The following SLC44A5 variants were observed in gnomAD, a reference collection of about 807,000 sequenced individuals.
SLC44A5 encodes the protein choline transporter-like protein 5.
A neutral mutation model predicts 101.8 loss-of-function variants in SLC44A5; 57 were observed. The observed-to-expected ratio is 0.56, with a 90% CI of 0.45 to 0.70. The LOEUF is 0.70. SLC44A5 is among the 30% of genes least tolerant of loss of function. SLC44A5 has a pLI of 0.00. For missense variants in SLC44A5, 737 were observed against 853.1 expected (o/e 0.86, Z 1.70); for synonymous variants, 281 against 290.9 (o/e 0.97, Z 0.35).
chr1:75,539,243 C>T (rs1462751909), intron 2 of SLC44A5, among the ~76,000 whole-genome samples: 1 of 152,142 alleles, frequency 6.6e-6, no homozygotes. Flanking sequence ...TTCATTTGTA[C>T]CTTACCTACA....
At chr1:75,286,672 T>C (rs1653077705) in intron 5 of SLC44A5, among the ~76,000 whole-genome samples, 1 of 152,166 alleles carries the variant, frequency 6.6e-6, no homozygotes, top group Admixed American at 6.5e-5. Context: ...GGCTTGGTAG[T>C]GAGAAATTCT....
intron 2 of SLC44A5, among the ~76,000 whole-genome samples, chr1:75,534,056 T>C (rs1024406947): frequency 6.6e-6 from 1 of 152,166 alleles, no homozygotes; most frequent in Non-Finnish European, 1.5e-5. Context: ...GCCAACTGGA[T>C]CTGCAAAAGG....
At chr1:75,514,364 A>G (rs886750724) in intron 2 of SLC44A5, among the ~76,000 whole-genome samples, 2 of 152,214 alleles carry the variant, frequency 1.3e-5, no homozygotes, top group Admixed American at 6.5e-5. Context: ...AGTGACAACA[A>G]TTTGTAAAAA....
At chr1:75,224,589 A>T (rs1009494129) in intron 13 of SLC44A5, among the ~76,000 whole-genome samples, 2 of 151,972 alleles carry the variant, frequency 1.3e-5, no homozygotes, top group Non-Finnish European at 2.9e-5. Flanking sequence ...TAAATTTTAA[A>T]TTTTTTGTTT....
intron 5 of SLC44A5, among the ~76,000 whole-genome samples, chr1:75,276,985 C>T (rs80276082): frequency 0.047 from 7,114 of 152,208 alleles, 232 homozygotes; most frequent in Middle Eastern, 0.12. Context: ...GTCAGGTATC[C>T]GCAGCATCTG....
At chr1:75,563,841 A>C (rs1239330754) in intron 1 of SLC44A5, among the ~76,000 whole-genome samples, 7 of 152,210 alleles carry the variant, frequency 4.6e-5, no homozygotes, top group South Asian at 2.1e-4. Flanking sequence ...AAATCACACA[A>C]AAAGCTTATG....
At chr1:75,285,273 T>C (rs1269054292) in intron 5 of SLC44A5, among the ~76,000 whole-genome samples, 3 of 152,104 alleles carry the variant, frequency 2.0e-5, no homozygotes, top group Non-Finnish European at 2.9e-5. Flanking sequence ...TTTTCTAGTT[T>C]GTGCATATAC....
chr1:75,385,780 CT>C (rs1166173578), intron 3 of SLC44A5, among the ~76,000 whole-genome samples: 1 of 152,036 alleles, frequency 6.6e-6, no homozygotes, highest in Admixed American at 6.6e-5. Flanking sequence ...GACCAATATC[CT>C]TGATGAACAT....
rs533548236 is a variant in SLC44A5 at position 75,572,283 on chromosome 1, T to C, written c.-69-30767A>G. Among the ~76,000 whole-genome samples the C allele has an allele frequency of 4.6e-5, 7 of 152,290 alleles. No homozygotes were observed. The South Asian group carries it at 1.5e-3, about 32-fold the overall frequency. On this transcript the variant is annotated intron_variant, in intron 1 of 23. Transcript: ENST00000370859. The stretch of plus-strand genomic sequence containing the variant: ...CAGACTAGACCCAGTGGATATAGCA[T>C]TCCAGGAGGCAGGTCTTCAGAGGAA...
At chr1:75,291,122 C>G (rs1653507412) in intron 5 of SLC44A5, among the ~76,000 whole-genome samples, 1 of 152,080 alleles carries the variant, frequency 6.6e-6, no homozygotes. Flanking sequence ...TTGCATTTGA[C>G]TTTTTGCTGA....
intron 2 of SLC44A5, among the ~76,000 whole-genome samples, chr1:75,462,675 T>C (rs899322750): frequency 3.9e-5 from 6 of 152,038 alleles, no homozygotes; most frequent in South Asian, 2.1e-4. Context: ...AGAAAAAATT[T>C]AACAAAGAGA....
At chr1:75,364,730 T>C (rs1336729334) in intron 3 of SLC44A5, among the ~76,000 whole-genome samples, 1 of 152,118 alleles carries the variant, frequency 6.6e-6, no homozygotes, top group Non-Finnish European at 1.5e-5. Context: ...TTTAGTTCTC[T>C]TGATGGTTTC....
intron 2 of SLC44A5, among the ~76,000 whole-genome samples, chr1:75,518,673 TTCTA>T (rs1669963056): frequency 6.6e-6 from 1 of 152,234 alleles, no homozygotes; most frequent in South Asian, 2.1e-4. Context: ...TCTTTGAACA[TTCTA>T]TCTGTTAAAA....
intron 4 of SLC44A5, among the ~76,000 whole-genome samples, chr1:75,321,057 C>T (rs1656104923): frequency 6.6e-6 from 1 of 151,982 alleles, no homozygotes; most frequent in Non-Finnish European, 1.5e-5. Flanking sequence ...ACTTTAGTAT[C>T]ATAATATTAA....
rs549506242 is a variant in SLC44A5, at chr1:75,349,950, T to C, written c.53-10320A>G. Among the ~76,000 whole-genome samples the C allele has an allele frequency of 7.2e-5, 11 of 152,098 alleles. No individual in the cohort carries two copies. The South Asian group carries it at 2.3e-3, about 32-fold the overall frequency. On this transcript the variant is annotated intron_variant, in intron 3 of 23. Transcript: ENST00000370859. Reference sequence around the variant, plus strand: ...AATAAGAAATTTGGTCCATCTATAATCAGGTAAGAAAGAAAAGGAAAATAA... The same window carrying C: ...AATAAGAAATTTGGTCCATCTATAACCAGGTAAGAAAGAAAAGGAAAATAA...
At chr1:75,324,327 C>A (rs1035484666) in intron 4 of SLC44A5, among the ~76,000 whole-genome samples, 2 of 152,110 alleles carry the variant, frequency 1.3e-5, no homozygotes, top group African/African-American at 4.8e-5. Flanking sequence ...TAAGCCAGAT[C>A]CACCATAACA....
At chr1:75,278,717 G>A (rs1189913194) in intron 5 of SLC44A5, among the ~76,000 whole-genome samples, 1 of 152,120 alleles carries the variant, frequency 6.6e-6, no homozygotes, top group Admixed American at 6.6e-5. Context: ...TGTGAATGTA[G>A]CAGCTTTAAG....
intron 1 of SLC44A5, among the ~76,000 whole-genome samples, chr1:75,605,916 C>T (rs1333239940): frequency 1.3e-5 from 2 of 151,920 alleles, no homozygotes; most frequent in African/African-American, 2.4e-5. Flanking sequence ...GCCTTGGCAA[C>T]ATTGACAATT....
chr1:75,678,301 T>C, the SLC44A5 span, among the ~76,000 whole-genome samples: 1 of 152,130 alleles, frequency 6.6e-6, no homozygotes, highest in Non-Finnish European at 1.5e-5. Flanking sequence ...GCTCCACCTC[T>C]GGGGGCAGGG....
Sources: allele counts gnomAD v4.1 joint callset (sites outside exome capture counted in the v4.1 genomes callset), GRCh38; gene constraint gnomAD v4.1.1; transcripts MANE v1.5; gene names NCBI Gene and HGNC (gene_info 2026-07-23, HGNC 2026-07-21).